The following ZNF300 variants were observed in gnomAD, a reference collection of about 807,000 sequenced individuals.
The protein encoded by ZNF300 is zinc finger protein 300.
ZNF300 carries 6 observed loss-of-function variants against 13.9 expected under a neutral mutation model. The observed-to-expected ratio is 0.43, with a 90% confidence interval of 0.24 to 0.85. ZNF300 has a LOEUF of 0.85. Among genes scored for constraint, ZNF300 ranks in the 40% least tolerant of loss-of-function variants. The pLI, the probability that ZNF300 is intolerant of heterozygous loss-of-function variation, is 0.25. For synonymous variants in ZNF300, 237 were observed against 242.2 expected, an observed-to-expected ratio of 0.98 and a Z score of 0.20; for missense variants, 662 against 714.2, an observed-to-expected ratio of 0.93 and a Z score of 0.83.
At position 150,895,233 on chromosome 5, in the gene ZNF300, A is replaced by T; in HGVS notation, c.*191T>A. 1 of 502,220 alleles carries T rather than the reference A, an allele frequency of 2.0e-6. No individual in the cohort carries two copies. Among genetic ancestry groups the T allele is most frequent in the East Asian group, 3.0e-5 (1 of 33,124 alleles). 31.1% of individuals were successfully genotyped at this position (502,220 alleles called of 1,614,324 possible). Reference sequence around the variant, plus strand: ...TTTAAAAGCTTTACATGCCATATTAAAAATGTTCTTCATTTATATAACTAT... The same window carrying T: ...TTTAAAAGCTTTACATGCCATATTATAAATGTTCTTCATTTATATAACTAT... On this transcript the variant is annotated 3_prime_UTR_variant, in exon 6 of 6. Transcript: ENST00000274599.
Position 150,896,383 on chromosome 5 carries a change from C to A in ZNF300, c.856G>T (p.Val286Leu), listed in dbSNP as rs1754781599. ...KAFAKKSQLI[V>L]HQRIHTGKKP... Reference sequence around the variant, plus strand: ...TTTCCAGTATGAATTCTTTGATGTACAATGAGTTGTGACTTCTTAGCAAAG... The same window carrying A: ...TTTCCAGTATGAATTCTTTGATGTAAAATGAGTTGTGACTTCTTAGCAAAG... The change falls in exon 6 of 6, where the codon GTA (valine) becomes TTA (leucine). Residue 286 changes from valine (V) to leucine (L), a missense_variant. Val to Leu is a conservative substitution (Grantham distance 32). Coordinates refer to ENST00000274599, the MANE Select transcript of ZNF300 (RefSeq NM_052860.4). The A allele has an allele frequency of 6.2e-7, 1 of 1,613,612 alleles. No individual in the cohort carries two copies. The highest frequency in any genetic ancestry group is 1.3e-5 in the African/African-American group (1 of 75,008).
Position 150,895,437 on chromosome 5 carries a change from A to C in ZNF300, c.1802T>G (p.Val601Gly). 1.2e-6 allele frequency: 2 copies of C among 1,601,162 alleles called. No individual in the cohort carries two copies. Among genetic ancestry groups the C allele is most frequent in the Non-Finnish European group, 8.5e-7 (1 of 1,172,186 alleles). The change falls in exon 6 of 6, where the codon GTG (valine) becomes GGG (glycine). Residue 601 changes from valine (V) to glycine (G), a missense_variant. By Grantham distance (109) the Val-to-Gly change is moderately radical. Coordinates refer to ENST00000274599, the MANE Select transcript of ZNF300 (RefSeq NM_052860.4). ...GTGGCCAGTTCATTATGATTTTACC[A>C]CTGTGTGAATTCTCTGGTGTACAGT... ...QLTVHQRIHT[V>G]VKS
intron 2 of ZNF300, among the ~76,000 whole-genome samples, chr5:150,903,545 G>A (rs999533645): frequency 8.5e-5 from 13 of 152,110 alleles, no homozygotes; most frequent in Non-Finnish European, 1.5e-5. Flanking sequence ...AGCTATATAA[G>A]GATATAAGTG....
rs183330830 is a variant in ZNF300 at position 150,895,680 on chromosome 5, G to C, written c.1559C>G (p.Pro520Arg). ...TTTCCCACATTCAGTACATATATAA[G>C]GTTTTTCTCCTGTGTGAATTCTCTG... ...GHQRIHTGEK[P>R]YICTECGKAF... The change falls in exon 6 of 6, where the codon CCT becomes CGT. Residue 520 changes from proline (P) to arginine (R), a missense_variant. Physicochemically the swap from Pro to Arg is moderately radical, Grantham distance 103. Coordinates refer to ENST00000274599, the MANE Select transcript of ZNF300 (RefSeq NM_052860.4). The C allele has an allele frequency of 2.5e-5, 40 of 1,613,512 alleles. No homozygotes were observed. In the East Asian group the frequency reaches 8.2e-4, roughly 33 times the overall value.
chr5:150,896,160 T>G lies in ZNF300; in HGVS notation c.1079A>C (p.Lys360Thr), dbSNP rs1426909544. ...GAGGGGTGATTTCTGGGAGAAGGCT[T>G]TCCCGCATTCACTACATTCATAGGG... Reference protein sequence around the residue: ...EKPYECSECGKAFSQKSPLII... With the variant: ...EKPYECSECGTAFSQKSPLII... Residue 360 changes from lysine to threonine, a missense_variant, in exon 6 of 6, where the codon AAA becomes ACA. Lys to Thr is a moderately conservative substitution (Grantham distance 78). Coordinates refer to ENST00000274599, the MANE Select transcript of ZNF300 (RefSeq NM_052860.4). 3 of 1,613,452 alleles carry G rather than the reference T, an allele frequency of 1.9e-6. No homozygotes were observed. The highest frequency in any genetic ancestry group is 2.2e-5 in the South Asian group (2 of 91,044).
At chr5:150,902,424 G>A (rs1354059596) in intron 3 of ZNF300, among the ~76,000 whole-genome samples, 1 of 152,172 alleles carries the variant, frequency 6.6e-6, no homozygotes, top group Non-Finnish European at 1.5e-5. Flanking sequence ...GATAAAGCTG[G>A]ACAATAGGAA....
At position 150,895,710 on chromosome 5, in the gene ZNF300, C is replaced by A; in HGVS notation, c.1529G>T (p.Gly510Val). Reference sequence around the variant, plus strand: ...TTCTCCTGTGTGAATTCTCTGATGTCCAATGAGATGTGACTTCTGGCAGAA... The same window carrying A: ...TTCTCCTGTGTGAATTCTCTGATGTACAATGAGATGTGACTTCTGGCAGAA... Reference protein sequence around the residue: ...KAFCQKSHLIGHQRIHTGEKP... With the variant: ...KAFCQKSHLIVHQRIHTGEKP... Residue 510 changes from glycine to valine, a missense_variant, in exon 6 of 6, where the codon GGA becomes GTA. Transcript: ENST00000274599. 6.2e-7 allele frequency: 1 copy of A among 1,613,266 alleles called. No individual in the cohort carries two copies. The highest frequency in any genetic ancestry group is 8.5e-7 in the Non-Finnish European group (1 of 1,179,734).
rs1438489026 is a variant in ZNF300 at position 150,896,513 on chromosome 5, A to AT, written c.725dup (p.Asp242GlufsTer2). On this transcript the variant is annotated frameshift_variant, in exon 6 of 6. Coordinates refer to ENST00000274599, the MANE Select transcript of ZNF300 (RefSeq NM_052860.4). LOFTEE classifies it low-confidence loss of function (END_TRUNC). ...TAAAAACGTTTCCACACTGATTATC[A>AT]TCAAAAGGTATTACTCCATTGTGAA... The AT allele has an allele frequency of 6.2e-7, 1 of 1,613,496 alleles. No homozygotes were observed. Among genetic ancestry groups the AT allele is most frequent in the African/African-American group, 1.3e-5 (1 of 74,888 alleles).
chr5:150,898,689 G>C, intron 3 of ZNF300, 135 bp from the exon 4 acceptor site: 1 of 943,566 alleles, frequency 1.1e-6, no homozygotes, highest in Non-Finnish European at 1.5e-6. Flanking sequence ...TTTTTAGCAA[G>C]CAGAGCCAGG....
chr5:150,896,685 T>C lies in ZNF300; in HGVS notation c.554A>G (p.His185Arg). ...IETDISIQRF[H>R]KYDAFKKNLK... Reference sequence around the variant, plus strand: ...GTTCTTTTTAAAAGCATCATATTTATGGAATCTCTGTATTGATATATCTGT... The same window carrying C: ...GTTCTTTTTAAAAGCATCATATTTACGGAATCTCTGTATTGATATATCTGT... Residue 185 changes from histidine to arginine, a missense_variant, in exon 6 of 6, where the codon CAT (histidine) becomes CGT (arginine). Physicochemically the swap from His to Arg is conservative, Grantham distance 29 (BLOSUM62 0). Transcript: ENST00000274599. The C allele has an allele frequency of 1.5e-5, 25 of 1,613,602 alleles. No homozygotes were observed. The highest frequency in any genetic ancestry group is 2.0e-5 in the Non-Finnish European group (24 of 1,179,766).
chr5:150,904,929 CT>C lies in ZNF300; in HGVS notation c.-368del, dbSNP rs1755094718. The C allele has an allele frequency of 6.6e-6, 1 of 152,408 alleles. No homozygotes were observed. Among genetic ancestry groups the C allele is most frequent in the African/African-American group, 2.4e-5 (1 of 41,444 alleles). The allele number at this position is 152,408 out of a possible 1,614,324, so 9.4% of individuals were successfully genotyped here. ...GTTCAGGAAGCAACATGGCTGCTCC[CT>C]GGAGCTGTTTCCGCATGGGGCCGCC... is the stretch of plus-strand genomic sequence containing the variant. On this transcript the variant is annotated 5_prime_UTR_variant, in exon 1 of 6. It introduces an in-frame stop codon into an upstream open reading frame of the 5' UTR. Coordinates refer to ENST00000274599, the MANE Select transcript of ZNF300 (RefSeq NM_052860.4).
rs1348881854 is a variant in ZNF300 at position 150,896,959 on chromosome 5, G to T, written c.280C>A (p.Leu94Ile). The T allele has an allele frequency of 6.2e-7, 1 of 1,609,716 alleles. No individual in the cohort carries two copies. The highest frequency in any genetic ancestry group is 8.5e-7 in the Non-Finnish European group (1 of 1,178,144). ...AAAATACATGACTGGGAGTTGTGAAGGTTACTCTTCCTGTCTAAAAGAAGA... is the reference window on the plus strand; with the variant it reads ...AAAATACATGACTGGGAGTTGTGAATGTTACTCTTCCTGTCTAAAAGAAGA... Reference protein sequence around the residue: ...ADGRQDRKSNLHNSQSCILGT... With the variant: ...ADGRQDRKSNIHNSQSCILGT... The change falls in exon 6 of 6, where the codon CTT (leucine) becomes ATT (isoleucine). Residue 94 changes from leucine to isoleucine, a missense_variant. Physicochemically the swap from Leu to Ile is conservative, Grantham distance 5 (BLOSUM62 2). Transcript: ENST00000274599.
chr5:150,896,813 G>C lies in ZNF300; in HGVS notation c.426C>G (p.Asp142Glu). The change falls in exon 6 of 6, where the codon GAC (aspartate) becomes GAG (glutamate). Residue 142 changes from aspartate (D) to glutamate (E), a missense_variant. Asp to Glu is a conservative substitution (Grantham distance 45). Transcript: ENST00000274599. ...GQLQRFLENQ[D>E]KLFRQVTFVN... ...CAAATGTGACCTGCCTGAAGAGTTT[G>C]TCTTGATTCTCTAGAAATCTCTGCA... 1 of 1,613,736 alleles carries C rather than the reference G, an allele frequency of 6.2e-7. No homozygotes were observed. Among genetic ancestry groups the C allele is most frequent in the Non-Finnish European group, 8.5e-7 (1 of 1,179,758 alleles).
At chr5:150,903,464 C>G (rs1195668466) in intron 2 of ZNF300, 45 of 1,102,394 alleles carry the variant, frequency 4.1e-5, no homozygotes, top group Middle Eastern at 2.1e-4. Context: ...GATTTACTAA[C>G]AACTTACTGT....
In ZNF300 at chr5:150,895,953, CTTTTATGT is replaced by C; in HGVS notation, c.1278_1285del (p.Ile426MetfsTer6). On this transcript the variant is annotated frameshift_variant, in exon 6 of 6. Coordinates refer to ENST00000274599, the MANE Select transcript of ZNF300 (RefSeq NM_052860.4). LOFTEE classifies it low-confidence loss of function (END_TRUNC). ...GTAGGGTTTCTCACCAGTGTGAATT[CTTTTATGT>C]ATAATGAGGTGGGACTTCTCACAGA... 6.2e-7 allele frequency: 1 copy of C among 1,613,482 alleles called. No individual in the cohort carries two copies. The highest frequency in any genetic ancestry group is 8.5e-7 in the Non-Finnish European group (1 of 1,179,788).
intron 5 of ZNF300, chr5:150,897,732 AAACAGT>A (rs1754845030): frequency 3.4e-6 from 1 of 297,338 alleles, no homozygotes; most frequent in Non-Finnish European, 6.2e-6. Flanking sequence ...TGAACTTCTA[AAACAGT>A]AACTGTATTT....
At position 150,895,833 on chromosome 5, in the gene ZNF300, T is replaced by C. The variant is rs2113309889; in HGVS notation, c.1406A>G (p.Glu469Gly). ...CTTGCGGGAGAATGTCTTTCCACAT[T>C]CAGTACATTCATAAGGTTTTTCCCC... ...HTGEKPYECT[E>G]CGKTFSRKSQ... The change falls in exon 6 of 6, where the codon GAA (glutamate) becomes GGA (glycine). Residue 469 changes from glutamate (E) to glycine (G), a missense_variant. Physicochemically the swap from Glu to Gly is moderately conservative, Grantham distance 98 (BLOSUM62 -2). Transcript: ENST00000274599. 1.9e-6 allele frequency: 3 copies of C among 1,613,666 alleles called. No homozygotes were observed. Among genetic ancestry groups the C allele is most frequent in the African/African-American group, 2.7e-5 (2 of 75,018 alleles).
rs765737915 is a variant in ZNF300 at position 150,896,515 on chromosome 5, C to A, written c.724G>T (p.Asp242Tyr). Residue 242 changes from aspartate (D) to tyrosine (Y), a missense_variant, in exon 6 of 6, where the codon GAT becomes TAT. Asp to Tyr is a radical substitution (Grantham distance 160, BLOSUM62 -3). Coordinates refer to ENST00000274599, the MANE Select transcript of ZNF300 (RefSeq NM_052860.4). ...EKIHNGVIPF[D>Y]DNQCGNVFRN... ...AAAACGTTTCCACACTGATTATCAT[C>A]AAAAGGTATTACTCCATTGTGAATC... 6.2e-7 allele frequency: 1 copy of A among 1,613,546 alleles called. No individual in the cohort carries two copies.
rs187220788 is a variant in ZNF300, at chr5:150,903,327, A to G, written c.-27-145T>C. On this transcript the variant is annotated intron_variant, in intron 2 of 5. Coordinates refer to ENST00000274599, the MANE Select transcript of ZNF300 (RefSeq NM_052860.4). ...TGTGGGATAAGGTTGTTTGAGCCTT[A>G]CAGAAGTCTCAGCAGGCACCATGTG... The G allele has an allele frequency of 2.8e-5, 44 of 1,563,206 alleles. No homozygotes were observed. In the Middle Eastern group the frequency reaches 1.0e-3, roughly 36 times the overall value.
Sources: allele counts gnomAD v4.1 joint callset (sites outside exome capture counted in the v4.1 genomes callset), GRCh38; gene constraint gnomAD v4.1.1; transcripts MANE v1.5; gene names NCBI Gene and HGNC (gene_info 2026-07-23, HGNC 2026-07-21).